Variants in CATSPERB observed in about 807,000 individuals in gnomAD.
CATSPERB encodes the protein cation channel sperm-associated auxiliary subunit beta.
A neutral mutation model predicts 128.3 loss-of-function variants in CATSPERB; 93 were observed. The ratio of observed to expected loss-of-function variants is 0.72; its 90% CI spans 0.61 to 0.86. The LOEUF is 0.86. CATSPERB is among the 40% of genes least tolerant of loss of function. CATSPERB has a pLI of 0.00. For missense variants in CATSPERB, 1,153 were observed against 1,329.5 expected (o/e 0.87, Z 2.06); for synonymous variants, 381 against 448.8 (o/e 0.85, Z 1.91).
chr14:91,658,925 A>G (rs376093757), intron 15 of CATSPERB, among the ~76,000 whole-genome samples: 2 of 151,880 alleles, frequency 1.3e-5, no homozygotes, highest in South Asian at 2.1e-4. Flanking sequence ...ACATACAGAA[A>G]TAAATTGAGA....
intron 7 of CATSPERB, among the ~76,000 whole-genome samples, chr14:91,696,011 G>A (rs143027667): frequency 1.4e-4 from 21 of 152,288 alleles, no homozygotes; most frequent in African/African-American, 5.1e-4. Flanking sequence ...GAGGGAGATG[G>A]ATCAAGAGTT....
intron 20 of CATSPERB, among the ~76,000 whole-genome samples, chr14:91,616,573 C>T (rs1237492803): frequency 1.3e-5 from 2 of 152,050 alleles, no homozygotes; most frequent in Admixed American, 6.6e-5. Context: ...TAGTAAGCTA[C>T]ATGTATTTTA....
intron 17 of CATSPERB, among the ~76,000 whole-genome samples, chr14:91,626,762 T>C (rs1894173013): frequency 6.6e-6 from 1 of 152,212 alleles, no homozygotes; most frequent in African/African-American, 2.4e-5. Context: ...CTTTTCTTTA[T>C]ACATTACCCA....
Position 91,656,457 on chromosome 14 carries a change from A to T in CATSPERB, c.1432+3380T>A, listed in dbSNP as rs925308072. The stretch of plus-strand genomic sequence containing the variant: ...TAGAATTTAAAAACATACAACAGAT[A>T]TGCAAAAAATAAAAGCAAGAAATTA... On this transcript the variant is annotated intron_variant, in intron 15 of 26. Transcript: ENST00000256343. 2.0e-5 allele frequency among the ~76,000 whole-genome samples: 3 copies of T among 152,252 alleles called. No individual in the cohort carries two copies. The East Asian group carries it at 5.8e-4, about 29-fold the overall frequency.
intron 15 of CATSPERB, 27 bp downstream of exon 15, chr14:91,659,810 T>A (rs369810058): frequency 4.4e-5 from 71 of 1,597,914 alleles, no homozygotes; most frequent in Non-Finnish European, 7.6e-6. Context: ...CATGTAATGC[T>A]TACACCAGTG....
intron 17 of CATSPERB, among the ~76,000 whole-genome samples, chr14:91,631,901 C>A (rs1894284944): frequency 6.6e-6 from 1 of 151,748 alleles, no homozygotes; most frequent in Non-Finnish European, 1.5e-5. Flanking sequence ...TTTAAGTTAA[C>A]ACACAGTAAA....
intron 5 of CATSPERB, among the ~76,000 whole-genome samples, chr14:91,713,562 A>C (rs916318144): frequency 2.6e-5 from 4 of 152,210 alleles, no homozygotes; most frequent in African/African-American, 9.6e-5. Context: ...CCGTAGATTC[A>C]ACAACTTAGA....
At chr14:91,675,681 G>A (rs1242348345) in intron 11 of CATSPERB, among the ~76,000 whole-genome samples, 1 of 152,176 alleles carries the variant, frequency 6.6e-6, no homozygotes, top group Non-Finnish European at 1.5e-5. Context: ...GTATGTATGT[G>A]ATCTACATTT....
intron 9 of CATSPERB, 133 bp downstream of exon 9, chr14:91,692,993 C>A: frequency 3.0e-6 from 2 of 664,552 alleles, no homozygotes; most frequent in Non-Finnish European, 5.3e-6. Flanking sequence ...CTGTATTATG[C>A]CTTTATGTTT....
At chr14:91,638,385 C>G (rs901718883) in intron 16 of CATSPERB, among the ~76,000 whole-genome samples, 1 of 149,422 alleles carries the variant, frequency 6.7e-6, no homozygotes, top group Non-Finnish European at 1.5e-5. Flanking sequence ...GAAAGGTAGA[C>G]CACAGCTCAT....
chr14:91,667,083 T>C (rs1285615), intron 14 of CATSPERB, among the ~76,000 whole-genome samples: 28,384 of 152,214 alleles, frequency 0.19, 2,814 homozygotes, highest in South Asian at 0.24. Context: ...CTAGTGGCAC[T>C]TACCTGAGCC....
In CATSPERB at chr14:91,639,103, A is replaced by G; in HGVS notation, c.1580T>C (p.Phe527Ser). ...PTAFGNSRNL[F>S]GQPPDMGFET... ...AATGCATTATATACTGACCTGTCCA[A>G]AAAGATTTCTAGAATTTCCAAAGGC... The change falls in exon 16 of 27, where the codon TTT becomes TCT. Residue 527 changes from phenylalanine (F) to serine (S), a missense_variant. By Grantham distance (155) the Phe-to-Ser change is radical (BLOSUM62 -2). Coordinates refer to ENST00000256343, the MANE Select transcript of CATSPERB (RefSeq NM_024764.4). The G allele has an allele frequency of 6.2e-7, 1 of 1,613,922 alleles. No individual in the cohort carries two copies. The highest frequency in any genetic ancestry group is 1.1e-5 in the South Asian group (1 of 91,034).
At chr14:91,664,717 C>G (rs1419673840) in intron 14 of CATSPERB, among the ~76,000 whole-genome samples, 1 of 152,180 alleles carries the variant, frequency 6.6e-6, no homozygotes, top group Non-Finnish European at 1.5e-5. Flanking sequence ...AGATTTACAT[C>G]TGTTTTAGCT....
At chr14:91,714,236 C>A (rs1895892630) in intron 5 of CATSPERB, among the ~76,000 whole-genome samples, 1 of 138,694 alleles carries the variant, frequency 7.2e-6, no homozygotes. Flanking sequence ...CTATTCCTTT[C>A]ATACTGGAAT....
rs139134142 is a variant in CATSPERB at position 91,603,145 on chromosome 14, G to A, written c.2709+5149C>T. Reference sequence around the variant, plus strand: ...TCCAATCTGGTATCCACTCTTCCTTGTATACCTTCATGTATCTTTTACTAT... The same window carrying A: ...TCCAATCTGGTATCCACTCTTCCTTATATACCTTCATGTATCTTTTACTAT... On this transcript the variant is annotated intron_variant, in intron 22 of 26. Coordinates refer to ENST00000256343, the MANE Select transcript of CATSPERB (RefSeq NM_024764.4). The A allele has an allele frequency of 1.8e-3, 1,403 of 784,806 alleles. 12 individuals are homozygous for A. The highest frequency in any genetic ancestry group is 0.017 in the African/African-American group (984 of 59,164). 48.6% of individuals were successfully genotyped at this position (784,806 alleles called of 1,614,324 possible).
At chr14:91,694,839 G>C (rs1895533500) in intron 7 of CATSPERB, among the ~76,000 whole-genome samples, 1 of 152,160 alleles carries the variant, frequency 6.6e-6, no homozygotes, top group African/African-American at 2.4e-5. Context: ...TGTTTTAAAT[G>C]TGAGGTGCTG....
At chr14:91,587,426 A>C (rs1255716910) in intron 25 of CATSPERB, 150 bp from the exon 26 acceptor site, 1 of 417,204 alleles carries the variant, frequency 2.4e-6, no homozygotes, top group Non-Finnish European at 4.2e-6. Context: ...CATACACATC[A>C]TGCATCAAAA....
chr14:91,633,183 A>G (rs906562061), intron 17 of CATSPERB, among the ~76,000 whole-genome samples: 2 of 152,168 alleles, frequency 1.3e-5, no homozygotes, highest in African/African-American at 4.8e-5. Flanking sequence ...CAAAACTTAC[A>G]TTAAGTAAAT....
chr14:91,719,205 A>G (rs1396192406), intron 5 of CATSPERB, among the ~76,000 whole-genome samples: 3 of 152,224 alleles, frequency 2.0e-5, no homozygotes, highest in African/African-American at 4.8e-5. Flanking sequence ...AAAACAATCT[A>G]CCTATAATAT....
Sources: allele counts gnomAD v4.1 joint callset (sites outside exome capture counted in the v4.1 genomes callset), GRCh38; gene constraint gnomAD v4.1.1; transcripts MANE v1.5; gene names NCBI Gene and HGNC (gene_info 2026-07-23, HGNC 2026-07-21).